MACF1: variants seen among roughly 807,000 people sequenced by gnomAD.
MACF1 encodes microtubule-actin cross-linking factor 1.
A neutral mutation model predicts 854.8 loss-of-function variants in MACF1; 193 were observed. The observed-to-expected ratio is 0.23, with a 90% CI of 0.20 to 0.25. The LOEUF (loss-of-function observed/expected upper bound fraction) is 0.25. MACF1 is among the 10% of genes least tolerant of loss of function. MACF1 has a pLI of 1.00. For synonymous variants in MACF1, 3,185 were observed against 3,226.7 expected (o/e 0.99, Z 0.44); for missense variants, 7,722 against 8,929.1 (o/e 0.86, Z 5.45).
chr1:39,241,715 T>G (rs1242966758), intron 2 of MACF1, among the ~76,000 whole-genome samples: 1 of 150,782 alleles, frequency 6.6e-6, no homozygotes, highest in Non-Finnish European at 1.5e-5. Flanking sequence ...CTCTTTTTTG[T>G]GTATGTATGG....
intron 2 of MACF1, among the ~76,000 whole-genome samples, chr1:39,098,195 G>A (rs1641982487): frequency 6.6e-6 from 1 of 152,192 alleles, no homozygotes; most frequent in South Asian, 2.1e-4. Context: ...GACAGCAGAG[G>A]GGCCAATACC....
At chr1:39,469,055 G>A (rs1224483317) in intron 96 of MACF1, among the ~76,000 whole-genome samples, 1 of 152,162 alleles carries the variant, frequency 6.6e-6, no homozygotes, top group African/African-American at 2.4e-5. Flanking sequence ...AAGCCCTTTA[G>A]GTTCCCTCTT....
intron 6 of MACF1, among the ~76,000 whole-genome samples, chr1:39,267,328 T>C (rs1481106005): frequency 6.6e-6 from 1 of 152,172 alleles, no homozygotes; most frequent in East Asian, 1.9e-4. Flanking sequence ...ACCTCCCAGT[T>C]CAAGCAATTC....
At chr1:39,467,484 A>G (rs1246662381) in intron 95 of MACF1, among the ~76,000 whole-genome samples, 3 of 152,200 alleles carry the variant, frequency 2.0e-5, no homozygotes, top group Admixed American at 6.5e-5. Context: ...GAAACTCTGC[A>G]TACTTCTCTT....
intron 58 of MACF1, among the ~76,000 whole-genome samples, chr1:39,393,621 C>A (rs1642144849): frequency 6.6e-6 from 1 of 151,760 alleles, no homozygotes; most frequent in South Asian, 2.1e-4. Context: ...CCAGCCTGGG[C>A]AACAAAATGA....
intron 99 of MACF1, among the ~76,000 whole-genome samples, chr1:39,483,931 C>G (rs1645060116): frequency 3.9e-5 from 6 of 152,170 alleles, no homozygotes. Context: ...GTGGGCAGAT[C>G]ACAAGGTCAG....
Position 39,360,847 on chromosome 1 carries a change from C to T in MACF1, c.12299C>T (p.Ser4100Phe), listed in dbSNP as rs1177697921. The T allele has an allele frequency of 8.7e-6, 14 of 1,613,978 alleles. No homozygotes were observed. Among genetic ancestry groups the T allele is most frequent in the Non-Finnish European group, 1.2e-5 (14 of 1,180,030 alleles). The change falls in exon 48 of 101, where the codon TCT becomes TTT. Residue 4100 changes from serine (S) to phenylalanine (F), a missense_variant. Coordinates refer to ENST00000564288, the MANE Select transcript of MACF1 (RefSeq NM_001394062.1). ...SLSYSLAERS[S>F]LLQKAIAQSQ... is the part of the protein sequence containing the mutation. ...TCCTATAGCCTGGCTGAGCGATCTT[C>T]TCTGCTGCAGAAAGCAATTGCCCAA...
rs534681653 is a variant in MACF1, at chr1:39,369,989, A to G, written c.12939-41A>G. On this transcript the variant is annotated intron_variant, in intron 50 of 100. Transcript: ENST00000564288. ...TACTCTTAGCTCAAGTTGACTTTAT[A>G]AAACTTAGTCTGGCAAGTAACAAAA... 7.6e-6 allele frequency: 12 copies of G among 1,579,626 alleles called. No homozygotes were observed. The South Asian group carries it at 1.4e-4, about 18-fold the overall frequency.
Position 39,283,441 on chromosome 1 carries a change from G to A in MACF1, c.841G>A (p.Val281Ile), listed in dbSNP as rs753434546. The A allele has an allele frequency of 6.2e-7, 1 of 1,612,870 alleles. No individual in the cohort carries two copies. The highest frequency in any genetic ancestry group is 8.5e-7 in the Non-Finnish European group (1 of 1,178,848). ...TGTGCCATCTCCAGATGAAAAGTCTGTAATCACTTATGTGTCTTCGATTTA... is the reference window on the plus strand; with the variant it reads ...TGTGCCATCTCCAGATGAAAAGTCTATAATCACTTATGTGTCTTCGATTTA... The part of the protein sequence containing the change: ...VDVPSPDEKS[V>I]ITYVSSIYDA... Residue 281 changes from valine (V) to isoleucine (I), a missense_variant, in exon 9 of 101, where the codon GTA becomes ATA. Around this residue, in one of 15 missense-constraint regions of MACF1, gnomAD observed 97 missense variants for 130.4 expected, o/e 0.74. Coordinates refer to ENST00000564288, the MANE Select transcript of MACF1 (RefSeq NM_001394062.1). The surrounding 1 kb of genome is among the most constrained non-coding windows in gnomAD (Gnocchi z 4.5).
rs529275248 is a variant in MACF1, at chr1:39,105,030, C to T, written c.220+20592C>T. On this transcript the variant is annotated intron_variant, in intron 2 of 93. Transcript: ENST00000361689. This position sits in a 1 kb window ranked among gnomAD's most constrained non-coding sequence, Gnocchi z 5.9. ...GCGTAGGTCAGCGCTGACTGGGGCTCCCGCTCGCCCTGTGGAGCCGGCCCG... is the reference window on the plus strand; with the variant it reads ...GCGTAGGTCAGCGCTGACTGGGGCTTCCGCTCGCCCTGTGGAGCCGGCCCG... Among the ~76,000 whole-genome samples, 10 of 152,322 alleles carry T rather than the reference C, an allele frequency of 6.6e-5. No individual in the cohort carries two copies. Among genetic ancestry groups the T allele is most frequent in the African/African-American group, 2.4e-4 (10 of 41,588 alleles).
chr1:39,232,072 G>A (rs1474059412), intron 2 of MACF1, among the ~76,000 whole-genome samples: 1 of 148,614 alleles, frequency 6.7e-6, no homozygotes, highest in East Asian at 1.9e-4. Context: ...ACAGAGGCAT[G>A]TTAAGACTCA....
chr1:39,334,940 A>G lies in MACF1; in HGVS notation c.8352A>G (p.Leu2784=). The G allele has an allele frequency of 6.2e-7, 1 of 1,614,214 alleles. No homozygotes were observed. Among genetic ancestry groups the G allele is most frequent in the African/African-American group, 1.3e-5 (1 of 75,070 alleles). Residue 2784 remains leucine, a synonymous_variant, in exon 37 of 101, where the codon TTA becomes TTG. Transcript: ENST00000564288. ...AAGAAGGGATTGAAGTGTGTGCATT[A>G]CAAAATGAATTTCTAGGAAAGGATA... ...EKQEGIEVCA[L]QNEFLGKDML...
At chr1:39,381,244 A>G (rs753923187) in intron 55 of MACF1, among the ~76,000 whole-genome samples, 2 of 150,626 alleles carry the variant, frequency 1.3e-5, no homozygotes, top group African/African-American at 4.9e-5. Flanking sequence ...TTTAGTAGAG[A>G]GGGGGTTTCT....
At chr1:39,306,994 C>A (rs1261845971) in intron 23 of MACF1, among the ~76,000 whole-genome samples, 1 of 151,780 alleles carries the variant, frequency 6.6e-6, no homozygotes, top group Non-Finnish European at 1.5e-5. Context: ...CCTGCCTCAG[C>A]CTGCCAAGTA....
chr1:39,332,587 C>G lies in MACF1; in HGVS notation c.5999C>G (p.Thr2000Arg), dbSNP rs1646746536. 9 of 1,614,090 alleles carry G rather than the reference C, an allele frequency of 5.6e-6. No homozygotes were observed. The highest frequency in any genetic ancestry group is 7.6e-6 in the Non-Finnish European group (9 of 1,180,012). ...ETLTSRDEYQ[T>R]SPPKVVEIGH... ...CTAACATCCAGAGATGAGTATCAAA[C>G]AAGTCCTCCAAAAGTGGTTGAAATT... The change falls in exon 37 of 101, where the codon ACA (threonine) becomes AGA (arginine). Residue 2000 changes from threonine to arginine, a missense_variant. Coordinates refer to ENST00000564288, the MANE Select transcript of MACF1 (RefSeq NM_001394062.1).
At chr1:39,173,367 G>GAAAA (rs1480474694) in intron 2 of MACF1, among the ~76,000 whole-genome samples, 1 of 149,128 alleles carries the variant, frequency 6.7e-6, no homozygotes, top group Non-Finnish European at 1.5e-5. Flanking sequence ...AAGAAAGAAA[G>GAAAA]AAAAAGCACT....
At chr1:39,432,941 G>A (rs1643899523) in intron 67 of MACF1, 107 bp from the exon 68 acceptor site, 1 of 717,416 alleles carries the variant, frequency 1.4e-6, no homozygotes, top group Non-Finnish European at 2.3e-6. Flanking sequence ...GTGTCAAACT[G>A]TATAAGAACA....
In MACF1 at chr1:39,451,330, G is replaced by A. The variant is rs201685975; in HGVS notation, c.20418+119G>A. 10 of 1,016,234 alleles carry A rather than the reference G, an allele frequency of 9.8e-6. 1 individual carries two copies. In the East Asian group the frequency reaches 2.7e-4, roughly 27 times the overall value. The allele number at this position is 1,016,234 out of a possible 1,614,324, so 63.0% of individuals were successfully genotyped here. On this transcript the variant is annotated intron_variant, in intron 85 of 100. Coordinates refer to ENST00000564288, the MANE Select transcript of MACF1 (RefSeq NM_001394062.1). The stretch of plus-strand genomic sequence containing the variant: ...TCTAGGGGAGAAAGAGAGCCTGACA[G>A]TTGCTTTGTGTGTTTAAACAAACTG...
In MACF1 at chr1:39,336,127, C is replaced by T. The variant is rs373420432; in HGVS notation, c.9539C>T (p.Pro3180Leu). 102 of 1,613,980 alleles carry T rather than the reference C, an allele frequency of 6.3e-5. No homozygotes were observed. The highest frequency in any genetic ancestry group is 7.8e-5 in the Non-Finnish European group (92 of 1,180,014). The change falls in exon 37 of 101, where the codon CCA becomes CTA. Residue 3180 changes from proline (P) to leucine (L), a missense_variant. Pro to Leu is a moderately conservative substitution (Grantham distance 98). Transcript: ENST00000564288. Reference sequence around the variant, plus strand: ...TCATACCAAGAAGTATCTTTTGACCCAGCAAGAGGTCTTAAATTGGAAGAA... The same window carrying T: ...TCATACCAAGAAGTATCTTTTGACCTAGCAAGAGGTCTTAAATTGGAAGAA... Reference protein sequence around the residue: ...EKSYQEVSFDPARGLKLEEIT... With the variant: ...EKSYQEVSFDLARGLKLEEIT...
Sources: allele counts gnomAD v4.1 joint callset (sites outside exome capture counted in the v4.1 genomes callset), GRCh38; gene constraint gnomAD v4.1.1; regional missense constraint gnomAD v4.1.1; non-coding constraint Gnocchi (gnomAD v3.1); transcripts MANE v1.5; gene names NCBI Gene and HGNC (gene_info 2026-07-23, HGNC 2026-07-21).